The following SUSD1 variants were observed in gnomAD, a reference collection of about 807,000 sequenced individuals.
SUSD1 encodes sushi domain containing 1, also known as sushi domain-containing protein 1.
A neutral mutation model predicts 86.9 loss-of-function variants in SUSD1; 65 were observed. The observed-to-expected ratio is 0.75, with a 90% CI of 0.61 to 0.92. The LOEUF is 0.92. Among genes scored for constraint, SUSD1 ranks in the 40% least tolerant of loss-of-function variants. The pLI is 0.00. For missense variants in SUSD1, 850 were observed against 929.7 expected (o/e 0.91, Z 1.11); for synonymous variants, 346 against 350.0 (o/e 0.99, Z 0.13).
At chr9:112,053,350 A>G (rs1828303717) in intron 14 of SUSD1, among the ~76,000 whole-genome samples, 1 of 151,680 alleles carries the variant, frequency 6.6e-6, no homozygotes, top group Non-Finnish European at 1.5e-5. Context: ...CCCCATCCCT[A>G]CTGAAAATAT....
chr9:112,099,479 A>C (rs1337810550), intron 9 of SUSD1, among the ~76,000 whole-genome samples: 1 of 152,148 alleles, frequency 6.6e-6, no homozygotes, highest in Non-Finnish European at 1.5e-5. Context: ...ACCCCAGATT[A>C]TGCATTCAAA....
At chr9:112,054,583 T>C (rs1380854723) in intron 14 of SUSD1, among the ~76,000 whole-genome samples, 1 of 149,444 alleles carries the variant, frequency 6.7e-6, no homozygotes, top group African/African-American at 2.5e-5. Context: ...TGAAACACTG[T>C]CTCAAAAAAA....
intron 15 of SUSD1, among the ~76,000 whole-genome samples, chr9:112,048,682 T>C (rs16916612): frequency 0.027 from 4,122 of 152,220 alleles, 194 homozygotes; most frequent in African/African-American, 0.094. Flanking sequence ...TGCTCTAAAA[T>C]ATAGCAGAAT....
In SUSD1 at chr9:112,099,510, C is replaced by T. The variant is rs1364800480; in HGVS notation, c.1282-848G>A. On this transcript the variant is annotated intron_variant, in intron 9 of 16. Transcript: ENST00000374270. ...TCAAAGCAAATGCCATGGTACTTCA[C>T]TGGACCCTTCCTATTAGACCTCTGG... Among the ~76,000 whole-genome samples the T allele has an allele frequency of 3.3e-5, 5 of 152,300 alleles. No individual in the cohort carries two copies. The East Asian group carries it at 9.7e-4, about 29-fold the overall frequency.
intron 1 of SUSD1, among the ~76,000 whole-genome samples, chr9:112,161,057 G>A (rs112829524): frequency 3.3e-5 from 5 of 152,220 alleles, no homozygotes; most frequent in South Asian, 2.1e-4. Context: ...ATTTTAAACC[G>A]TGTGATCAGT....
chr9:112,172,247 A>T (rs1834076887), intron 1 of SUSD1, among the ~76,000 whole-genome samples: 1 of 150,704 alleles, frequency 6.6e-6, no homozygotes, highest in South Asian at 2.1e-4. Context: ...TCTGCCCTCA[A>T]CCTAGAGCCC....
At chr9:112,098,141 C>T (rs796558541) in intron 10 of SUSD1, among the ~76,000 whole-genome samples, 16 of 152,086 alleles carry the variant, frequency 1.1e-4, no homozygotes, top group African/African-American at 3.6e-4. Flanking sequence ...TTCTACTTGC[C>T]GATAATGAAT....
At chr9:112,078,865 G>A in intron 11 of SUSD1, 141 bp from the exon 12 acceptor site, 1 of 671,864 alleles carries the variant, frequency 1.5e-6, no homozygotes, top group Middle Eastern at 4.4e-4. Flanking sequence ...CCATGCTGGA[G>A]TGCAGTGGCA....
intron 10 of SUSD1, among the ~76,000 whole-genome samples, chr9:112,083,880 C>T (rs945250465): frequency 3.9e-5 from 6 of 152,138 alleles, no homozygotes; most frequent in Middle Eastern, 3.2e-3. Flanking sequence ...TATACTTTGC[C>T]GTTCTGTTCC....
intron 8 of SUSD1, among the ~76,000 whole-genome samples, chr9:112,106,036 C>G (rs1211874539): frequency 6.6e-6 from 1 of 152,166 alleles, no homozygotes; most frequent in Non-Finnish European, 1.5e-5. Context: ...GTTGCGCAGG[C>G]TGGAGTGCAG....
At chr9:112,056,969 CT>C (rs1418647612) in intron 14 of SUSD1, among the ~76,000 whole-genome samples, 1 of 152,222 alleles carries the variant, frequency 6.6e-6, no homozygotes, top group Non-Finnish European at 1.5e-5. Flanking sequence ...CACCCAACCC[CT>C]GCCCCAAATT....
At chr9:112,053,849 A>G (rs1455498266) in intron 14 of SUSD1, among the ~76,000 whole-genome samples, 1 of 152,228 alleles carries the variant, frequency 6.6e-6, no homozygotes, top group Non-Finnish European at 1.5e-5. Flanking sequence ...GTAGAATAAG[A>G]GACAGAAAGA....
At chr9:112,155,656 T>C (rs1010488788) in intron 2 of SUSD1, among the ~76,000 whole-genome samples, 4 of 151,804 alleles carry the variant, frequency 2.6e-5, no homozygotes, top group Non-Finnish European at 4.4e-5. Flanking sequence ...TCTTGTTCTG[T>C]CGCCCAGACT....
chr9:112,111,862 G>A (rs1217336099), intron 7 of SUSD1, 22 bp from the exon 8 acceptor site: 8 of 1,611,098 alleles, frequency 5.0e-6, no homozygotes, highest in Non-Finnish European at 5.9e-6. Flanking sequence ...AAAGACAAGA[G>A]AACCCACTCT....
intron 12 of SUSD1, among the ~76,000 whole-genome samples, chr9:112,064,604 G>A (rs139272621): frequency 1.2e-4 from 18 of 152,300 alleles, no homozygotes; most frequent in African/African-American, 4.3e-4. Flanking sequence ...GCGGGGGTGC[G>A]GTGGCTCACG....
intron 1 of SUSD1, among the ~76,000 whole-genome samples, chr9:112,174,758 G>C (rs1401262070): frequency 2.0e-5 from 3 of 152,114 alleles, no homozygotes; most frequent in Non-Finnish European, 4.4e-5. Context: ...CCGGAAGCGT[G>C]ACAGCGCCGC....
chr9:112,132,016 T>C (rs16916702), intron 5 of SUSD1, among the ~76,000 whole-genome samples: 6,432 of 152,304 alleles, frequency 0.042, 329 homozygotes, highest in Admixed American at 0.11. Flanking sequence ...ATAAAAATGT[T>C]TATCCACAGG....
chr9:112,115,657 A>G (rs1206548149), intron 6 of SUSD1, among the ~76,000 whole-genome samples: 2 of 151,822 alleles, frequency 1.3e-5, no homozygotes, highest in African/African-American at 4.8e-5. Flanking sequence ...AAATACAAAA[A>G]AATTAGCCAA....
chr9:112,074,410 G>A lies in SUSD1; in HGVS notation c.1753+4128C>T, dbSNP rs193129667. Among the ~76,000 whole-genome samples the A allele has an allele frequency of 2.4e-3, 370 of 152,132 alleles. 3 individuals carry two copies. The highest frequency in any genetic ancestry group is 8.5e-3 in the African/African-American group (352 of 41,502). On this transcript the variant is annotated intron_variant, in intron 12 of 16. Coordinates refer to ENST00000374270, the MANE Select transcript of SUSD1 (RefSeq NM_022486.5). ...CAGCCAAGAGTCAGAAACACCGTGA[G>A]GCCACAGCTCCATCTCACCCACCCC...
Sources: gnomAD v4.1 joint callset for allele counts (sites outside exome capture counted in the v4.1 genomes callset) on GRCh38, gnomAD v4.1.1 for gene constraint, MANE v1.5 for transcripts, NCBI Gene and HGNC (gene_info 2026-07-23, HGNC 2026-07-21) for gene names.